Variants in MYOM3 observed in about 807,000 individuals in gnomAD.
MYOM3 encodes myomesin-3.
A neutral mutation model predicts 191.7 loss-of-function variants in MYOM3; 155 were observed. The observed-to-expected ratio is 0.81, with a 90% CI of 0.71 to 0.92. The LOEUF (loss-of-function observed/expected upper bound fraction) is 0.92, where lower values mean the gene tolerates loss of function less well. Among genes scored for constraint, MYOM3 ranks in the 40% least tolerant of loss-of-function variants. The pLI, the probability that MYOM3 is intolerant of heterozygous loss-of-function variation, is 0.00. For synonymous variants in MYOM3, 757 were observed against 762.9 expected, an observed-to-expected ratio of 0.99 and a Z score of 0.13; for missense variants, 1,889 against 1,890.6, an observed-to-expected ratio of 1.00 and a Z score of 0.02.
intron 17 of MYOM3, 138 bp downstream of exon 17, chr1:24,082,455 A>G (rs1570870217): frequency 8.1e-7 from 1 of 1,238,676 alleles, no homozygotes. Flanking sequence ...AAGGGCAGCC[A>G]GGGCCAGCTC....
chr1:24,067,387 T>TTTCCTTCCTTCCTTCC (rs55795415), intron 27 of MYOM3, among the ~76,000 whole-genome samples: 6 of 63,098 alleles, frequency 9.5e-5, no homozygotes, highest in African/African-American at 2.1e-4. Context: ...TTTCTTTCTT[T>TTTCCTTCCTTCCTTCC]TTCCTTCCTT....
At chr1:24,060,927 C>T in intron 35 of MYOM3, 133 bp downstream of exon 35, 1 of 973,466 alleles carries the variant, frequency 1.0e-6, no homozygotes, top group South Asian at 1.5e-5. Context: ...TTCCCTGCAG[C>T]TCTGTAAGAC....
Position 24,070,554 on chromosome 1 carries a change from C to A in MYOM3, c.3150+563G>T, listed in dbSNP as rs577850802. 2.0e-5 allele frequency among the ~76,000 whole-genome samples: 3 copies of A among 152,156 alleles called. No individual in the cohort carries two copies. In the East Asian group the frequency reaches 5.8e-4, roughly 29 times the overall value. On this transcript the variant is annotated intron_variant, in intron 25 of 36. Transcript: ENST00000374434. ...AATGAGCTGAGATCATGCCACTGCA[C>A]TTTAGCCATGGTGACAAAGTGAGGT... is the stretch of plus-strand genomic sequence containing the variant.
intron 13 of MYOM3, 119 bp from the exon 14 acceptor site, chr1:24,089,784 A>T: frequency 8.1e-7 from 1 of 1,232,922 alleles, no homozygotes; most frequent in East Asian, 2.6e-5. Context: ...GAGGGGCAGT[A>T]GTTGGCTCCA....
At chr1:24,092,714 C>T (rs1445263426) in intron 10 of MYOM3, among the ~76,000 whole-genome samples, 1 of 152,220 alleles carries the variant, frequency 6.6e-6, no homozygotes, top group Non-Finnish European at 1.5e-5. Context: ...GCCCCACACT[C>T]AGCTCCCAGC....
At position 24,056,555 on chromosome 1, in the gene MYOM3, G is replaced by T. The variant is rs1643303603; in HGVS notation, c.*809C>A. 6.6e-6 allele frequency: 1 copy of T among 152,204 alleles called. No homozygotes were observed. Among genetic ancestry groups the T allele is most frequent in the African/African-American group, 2.4e-5 (1 of 41,436 alleles). 9.4% of individuals were successfully genotyped at this position (152,204 alleles called of 1,614,324 possible). A position where few individuals can be genotyped will look rare whatever the true frequency, so the allele number is the denominator to read the frequency against. On this transcript the variant is annotated 3_prime_UTR_variant, in exon 37 of 37. Coordinates refer to ENST00000374434, the MANE Select transcript of MYOM3 (RefSeq NM_152372.4). ...GGCTAATTTTTGTATTTTTAGTAGAGACCGGGTTTCGTCATGTTGGCCAGG... is the reference window on the plus strand; with the variant it reads ...GGCTAATTTTTGTATTTTTAGTAGATACCGGGTTTCGTCATGTTGGCCAGG...
Position 24,084,472 on chromosome 1 carries a change from T to G in MYOM3, c.1966A>C (p.Thr656Pro), listed in dbSNP as rs1336729033. 6 of 1,614,058 alleles carry G rather than the reference T, an allele frequency of 3.7e-6. No homozygotes were observed. The East Asian group carries it at 8.9e-5, about 24-fold the overall frequency. ...GATACGGGTGGGCAGACGTACCTGGTGCCTTGGATGGGTTTGTTGTTAACT... is the reference window on the plus strand; with the variant it reads ...GATACGGGTGGGCAGACGTACCTGGGGCCTTGGATGGGTTTGTTGTTAACT... The part of the protein sequence containing the change: ...QTVNNKPIQG[T>P]RFTVPGLRTG... The change falls in exon 16 of 37, where the codon ACC (threonine) becomes CCC (proline). Residue 656 changes from threonine (T) to proline (P), a missense_variant. Coordinates refer to ENST00000374434, the MANE Select transcript of MYOM3 (RefSeq NM_152372.4).
chr1:24,065,312 G>A (rs555448136), intron 29 of MYOM3, among the ~76,000 whole-genome samples: 2 of 152,338 alleles, frequency 1.3e-5, no homozygotes, highest in South Asian at 4.1e-4. Context: ...ATCAGCAGCA[G>A]GGCAGAAAAA....
intron 21 of MYOM3, 35 bp downstream of exon 21, chr1:24,076,124 A>C (rs751481021): frequency 3.9e-6 from 6 of 1,539,458 alleles, no homozygotes; most frequent in Non-Finnish European, 5.4e-6. Flanking sequence ...GGCGTAGCCC[A>C]GTGGCAGAGC....
rs1643978839 is a variant in MYOM3, at chr1:24,105,929, T to C, written c.551A>G (p.Gln184Arg). Residue 184 changes from glutamine (Q) to arginine (R), a missense_variant, in exon 5 of 37, where the codon CAG becomes CGG. Gln to Arg is a conservative substitution (Grantham distance 43). Coordinates refer to ENST00000374434, the MANE Select transcript of MYOM3 (RefSeq NM_152372.4). The part of the protein sequence containing the change: ...TCTVQASPPP[Q>R]VTWYKNDTRI... ...TGCCCCAGCGGCTTACCAGGTGACC[T>C]GGGGTGGTGGTGAGGCCTGGACAGT... is the stretch of plus-strand genomic sequence containing the variant. The C allele has an allele frequency of 1.2e-6, 2 of 1,604,720 alleles. No homozygotes were observed. The highest frequency in any genetic ancestry group is 1.7e-4 in the Middle Eastern group (1 of 5,886).
rs563042052 is a variant in MYOM3, at chr1:24,090,660, A to G, written c.1432+137T>C. ...TGGCCTTTGTCTCCTTCATCAGACT[A>G]GTGTTTACTGAGGGCTGGGCTGTGC... On this transcript the variant is annotated intron_variant, in intron 12 of 36. Coordinates refer to ENST00000374434, the MANE Select transcript of MYOM3 (RefSeq NM_152372.4). 489 of 780,342 alleles carry G rather than the reference A, an allele frequency of 6.3e-4. 1 individual carries two copies. The Middle Eastern group carries it at 7.0e-3, about 11-fold the overall frequency. 48.3% of individuals were successfully genotyped at this position (780,342 alleles called of 1,614,324 possible). A position where few individuals can be genotyped will look rare whatever the true frequency, so the allele number is the denominator to read the frequency against.
At chr1:24,098,591 C>T (rs1049013310) in intron 6 of MYOM3, among the ~76,000 whole-genome samples, 1 of 152,230 alleles carries the variant, frequency 6.6e-6, no homozygotes, top group Non-Finnish European at 1.5e-5. Context: ...GGATGTGGCA[C>T]CTCTGGCCCC....
chr1:24,106,811 C>T (rs568745262), intron 4 of MYOM3, among the ~76,000 whole-genome samples: 16 of 152,246 alleles, frequency 1.1e-4, no homozygotes, highest in African/African-American at 2.9e-4. Flanking sequence ...TCAGGTGATC[C>T]GCCTACCTCG....
rs376212793 is a variant in MYOM3 at position 24,080,187 on chromosome 1, C to T, written c.2415G>A (p.Pro805=). 2.1e-5 allele frequency: 34 copies of T among 1,608,754 alleles called. 1 individual carries two copies. In the East Asian group the frequency reaches 2.9e-4, roughly 14 times the overall value. ...KEWTMPQPGP[P]YDVRASEVRA... ...GCACCTCGGATGCCCGTACATCGTA[C>T]GGGGGGCCTGTGACAAGTGAGAGAT... The change falls in exon 20 of 37, where the codon CCG becomes CCA. Residue 805 remains proline (P), a synonymous_variant. Coordinates refer to ENST00000374434, the MANE Select transcript of MYOM3 (RefSeq NM_152372.4).
chr1:24,107,468 T>A (rs1643994010), intron 3 of MYOM3, among the ~76,000 whole-genome samples: 1 of 152,252 alleles, frequency 6.6e-6, no homozygotes, highest in African/African-American at 2.4e-5. Context: ...CCTTTGTTCA[T>A]CTTGTTTTCA....
intron 25 of MYOM3, among the ~76,000 whole-genome samples, chr1:24,068,731 T>C (rs1254292840): frequency 6.6e-6 from 1 of 152,040 alleles, no homozygotes; most frequent in Admixed American, 6.6e-5. Context: ...CTTGAGACAG[T>C]GTCTCACTCC....
chr1:24,081,314 C>G lies in MYOM3; in HGVS notation c.2407+16G>C. 6.2e-7 allele frequency: 1 copy of G among 1,612,880 alleles called. No individual in the cohort carries two copies. The highest frequency in any genetic ancestry group is 1.1e-5 in the South Asian group (1 of 90,980). On this transcript the variant is annotated intron_variant, in intron 19 of 36. Coordinates refer to ENST00000374434, the MANE Select transcript of MYOM3 (RefSeq NM_152372.4). ...GGAAGGGCAGGCACTGGACTTCAGG[C>G]CTGCAGGCCTCTCACCTGGCTGGGG...
At chr1:24,089,406 C>T in intron 14 of MYOM3, 132 bp downstream of exon 14, 1 of 1,238,680 alleles carries the variant, frequency 8.1e-7, no homozygotes, top group Non-Finnish European at 1.1e-6. Context: ...CTGTGTAGGG[C>T]CATGCCTGGG....
chr1:24,105,862 T>G, intron 5 of MYOM3, 58 bp downstream of exon 5: 2 of 1,497,026 alleles, frequency 1.3e-6, no homozygotes, highest in Non-Finnish European at 1.8e-6. Flanking sequence ...GTATTGGATG[T>G]GAGGAACTCA....
Sources: allele counts gnomAD v4.1 joint callset (sites outside exome capture counted in the v4.1 genomes callset), GRCh38; gene constraint gnomAD v4.1.1; transcripts MANE v1.5; gene names NCBI Gene and HGNC (gene_info 2026-07-23, HGNC 2026-07-21).